SYN3: variants seen among roughly 807,000 people sequenced by gnomAD.
SYN3 encodes the protein synapsin III, also known as synapsin-3.
SYN3 carries 35 observed loss-of-function variants against 65.8 expected under a neutral mutation model. The observed-to-expected ratio is 0.53, with a 90% CI of 0.41 to 0.70. The LOEUF (loss-of-function observed/expected upper bound fraction) is 0.70, where lower values mean the gene tolerates loss of function less well. SYN3 is among the 30% of genes least tolerant of loss of function. The pLI, the probability that SYN3 is intolerant of heterozygous loss-of-function variation, is 0.00. For missense variants in SYN3, 680 were observed against 749.0 expected (o/e 0.91, Z 1.08); for synonymous variants, 270 against 292.9 (o/e 0.92, Z 0.80).
intron 3 of SYN3, among the ~76,000 whole-genome samples, chr22:32,935,099 G>A (rs1601727303): frequency 2.0e-5 from 3 of 152,306 alleles, no homozygotes; most frequent in African/African-American, 7.2e-5. Flanking sequence ...AAGCCACTAA[G>A]TGTATGGTAA....
chr22:32,952,553 G>A (rs1013051867), intron 3 of SYN3, among the ~76,000 whole-genome samples: 1 of 151,904 alleles, frequency 6.6e-6, no homozygotes, highest in Non-Finnish European at 1.5e-5. Flanking sequence ...CCAGGAGTTC[G>A]AGACCAGCCT....
intron 1 of SYN3, among the ~76,000 whole-genome samples, chr22:33,038,498 C>A (rs2053901080): frequency 6.6e-6 from 1 of 152,196 alleles, no homozygotes; most frequent in African/African-American, 2.4e-5. Flanking sequence ...GAGCAATTCT[C>A]ACATCCTTTC....
At chr22:32,691,668 G>T (rs2060663169) in intron 6 of SYN3, among the ~76,000 whole-genome samples, 1 of 152,170 alleles carries the variant, frequency 6.6e-6, no homozygotes, top group Non-Finnish European at 1.5e-5. Flanking sequence ...TTATGGGGGA[G>T]AAACGCTTGG....
At chr22:32,825,979 G>T (rs1237545909) in intron 6 of SYN3, among the ~76,000 whole-genome samples, 5 of 152,122 alleles carry the variant, frequency 3.3e-5, no homozygotes, top group Non-Finnish European at 7.3e-5. Context: ...AGTAGCATAG[G>T]GAAAAGTCTT....
At chr22:32,855,583 G>A (rs571991869) in intron 6 of SYN3, among the ~76,000 whole-genome samples, 2 of 152,254 alleles carry the variant, frequency 1.3e-5, no homozygotes, top group Non-Finnish European at 2.9e-5. Context: ...GGGCATAATA[G>A]TTCCTACCTC....
rs369962066 is a variant in SYN3, at chr22:32,716,627, T to G, written c.712-119891A>C. Among the ~76,000 whole-genome samples the G allele has an allele frequency of 4.6e-5, 7 of 152,178 alleles. No homozygotes were observed. The East Asian group carries it at 9.7e-4, about 21-fold the overall frequency. On this transcript the variant is annotated intron_variant, in intron 6 of 13. Transcript: ENST00000358763. ...CTCATTGCAACCTCTGCCTCCCAAG[T>G]TCAAGTCATCCTCCCATCTTAGCCT...
chr22:32,804,621 C>T (rs2046676138), intron 6 of SYN3, among the ~76,000 whole-genome samples: 1 of 152,228 alleles, frequency 6.6e-6, no homozygotes, highest in Admixed American at 6.5e-5. Context: ...GCCTTTCCTC[C>T]TGTCTCTGCT....
chr22:32,664,986 T>C (rs2060269855), intron 6 of SYN3, among the ~76,000 whole-genome samples: 1 of 142,550 alleles, frequency 7.0e-6, no homozygotes, highest in Admixed American at 7.5e-5. Context: ...GTATAATGTA[T>C]AATTCTTTTT....
At chr22:32,923,497 G>A (rs928992965) in intron 4 of SYN3, among the ~76,000 whole-genome samples, 2 of 152,138 alleles carry the variant, frequency 1.3e-5, no homozygotes, top group South Asian at 2.1e-4. Flanking sequence ...GCAAGACTTC[G>A]GGAGATCTAG....
At chr22:32,938,257 G>A (rs937257050) in intron 3 of SYN3, among the ~76,000 whole-genome samples, 10 of 152,138 alleles carry the variant, frequency 6.6e-5, no homozygotes, top group Non-Finnish European at 1.3e-4. Context: ...GGCTGGGCGC[G>A]GTGGCTCACG....
chr22:33,031,559 T>A (rs958058521), intron 1 of SYN3, among the ~76,000 whole-genome samples: 49 of 152,098 alleles, frequency 3.2e-4, no homozygotes, highest in African/African-American at 1.1e-3. Flanking sequence ...CACAGGCAGC[T>A]GCCCCCTTCT....
At chr22:32,943,064 G>A (rs2050989404) in intron 3 of SYN3, among the ~76,000 whole-genome samples, 1 of 152,140 alleles carries the variant, frequency 6.6e-6, no homozygotes, top group Admixed American at 6.5e-5. Context: ...TAGCAAGGCA[G>A]GCCAACATTC....
At chr22:32,622,752 C>T (rs977168616) in intron 6 of SYN3, among the ~76,000 whole-genome samples, 2 of 146,292 alleles carry the variant, frequency 1.4e-5, no homozygotes. Flanking sequence ...AAAAGTTTCT[C>T]TGTACTAGTG....
At chr22:32,514,908 C>T (rs948518074) in intron 13 of SYN3, among the ~76,000 whole-genome samples, 9 of 151,886 alleles carry the variant, frequency 5.9e-5, no homozygotes, top group African/African-American at 2.2e-4. Flanking sequence ...CCCAGCTACG[C>T]GGGAGGCTGA....
At chr22:32,664,005 T>A (rs989197173) in intron 6 of SYN3, among the ~76,000 whole-genome samples, 1 of 152,142 alleles carries the variant, frequency 6.6e-6, no homozygotes, top group Non-Finnish European at 1.5e-5. Context: ...GATAGGGAAA[T>A]GTCTTTGAAT....
At chr22:32,738,225 G>A (rs2061358943) in intron 6 of SYN3, among the ~76,000 whole-genome samples, 1 of 152,148 alleles carries the variant, frequency 6.6e-6, no homozygotes, top group African/African-American at 2.4e-5. Context: ...AATAACATAT[G>A]AGGGAAAGAC....
At chr22:32,944,793 C>T (rs2051053878) in intron 3 of SYN3, among the ~76,000 whole-genome samples, 1 of 152,150 alleles carries the variant, frequency 6.6e-6, no homozygotes, top group African/African-American at 2.4e-5. Flanking sequence ...ATTTAGAAAA[C>T]CCCATCGTCT....
chr22:32,573,072 G>A (rs184438204), intron 7 of SYN3, among the ~76,000 whole-genome samples: 1 of 152,118 alleles, frequency 6.6e-6, no homozygotes, highest in African/African-American at 2.4e-5. Context: ...ATCATTTGTG[G>A]TGGAAATATT....
intron 1 of SYN3, among the ~76,000 whole-genome samples, chr22:33,036,299 G>T (rs1020669037): frequency 2.0e-5 from 3 of 152,122 alleles, no homozygotes; most frequent in Non-Finnish European, 4.4e-5. Context: ...ACTCATTTCA[G>T]TTGTCATAGG....
Sources: gnomAD v4.1 joint callset for allele counts (sites outside exome capture counted in the v4.1 genomes callset) on GRCh38, gnomAD v4.1.1 for gene constraint, MANE v1.5 for transcripts, NCBI Gene and HGNC (gene_info 2026-07-23, HGNC 2026-07-21) for gene names.